The following PROCR variants were observed in gnomAD, a reference collection of about 807,000 sequenced individuals.
The protein encoded by PROCR is protein C receptor, also known as endothelial protein C receptor.
PROCR carries 22 observed loss-of-function variants against 24.2 expected under a neutral mutation model. The observed-to-expected ratio is 0.91, with a 90% CI of 0.65 to 1.30. The LOEUF (loss-of-function observed/expected upper bound fraction) is 1.30. Among genes scored for constraint, PROCR ranks in the 50% most tolerant of loss-of-function variants. The probability of loss-of-function intolerance (pLI) is 0.00; values close to 1 mark genes in which losing one functional copy is unlikely to be tolerated. For missense variants in PROCR, 288 were observed against 307.7 expected (o/e 0.94, Z 0.48); for synonymous variants, 137 against 139.2 (o/e 0.98, Z 0.11).
intron 1 of PROCR, among the ~76,000 whole-genome samples, chr20:35,205,962 C>G (rs2060340964): frequency 1.3e-5 from 2 of 149,758 alleles, no homozygotes; most frequent in South Asian, 4.2e-4. Flanking sequence ...TGAGCCACTG[C>G]ACTTGACCGC....
downstream of PROCR, among the ~76,000 whole-genome samples, chr20:35,181,538 G>T (rs2086079320): frequency 6.6e-6 from 1 of 152,216 alleles, no homozygotes; most frequent in Admixed American, 6.5e-5. Flanking sequence ...CTCCCAAAGT[G>T]CTGGGATTGC....
downstream of PROCR, among the ~76,000 whole-genome samples, chr20:35,178,414 TAAA>T (rs374008630): frequency 2.0e-5 from 1 of 49,814 alleles, no homozygotes; most frequent in Non-Finnish European, 3.4e-5. Context: ...TTTTTAATTC[TAAA>T]AAAAAAAAAA....
chr20:35,172,890 A>G (rs765366454), intron 1 of PROCR, among the ~76,000 whole-genome samples: 15 of 152,252 alleles, frequency 9.9e-5, no homozygotes, highest in South Asian at 2.1e-4. Context: ...GGCAGCAAAT[A>G]ATAACCAGTA....
downstream of PROCR, among the ~76,000 whole-genome samples, chr20:35,178,511 T>TGTTTTTTTTG (rs202179491): frequency 4.7e-5 from 2 of 42,926 alleles, no homozygotes; most frequent in Non-Finnish European, 8.3e-5. Flanking sequence ...GTCTCAGTTT[T>TGTTTTTTTTG]TTTTTTTTTT....
intron 1 of PROCR, among the ~76,000 whole-genome samples, chr20:35,186,995 A>C (rs2086133821): frequency 6.6e-6 from 1 of 151,900 alleles, no homozygotes; most frequent in Admixed American, 6.6e-5. Context: ...TGTTTAAGTC[A>C]GTGGCCTGCA....
intron 1 of PROCR, among the ~76,000 whole-genome samples, chr20:35,190,998 T>C (rs940965914): frequency 6.6e-6 from 1 of 152,130 alleles, no homozygotes; most frequent in Non-Finnish European, 1.5e-5. Flanking sequence ...TAGTTGGGAC[T>C]ACAGGCACGT....
At chr20:35,193,871 A>G (rs761161228) in intron 1 of PROCR, among the ~76,000 whole-genome samples, 2 of 152,190 alleles carry the variant, frequency 1.3e-5, no homozygotes, top group Non-Finnish European at 2.9e-5. Context: ...GCTGGATGGG[A>G]TCACCTAAGG....
intron 1 of PROCR, among the ~76,000 whole-genome samples, chr20:35,211,276 G>A (rs2060361973): frequency 6.6e-6 from 1 of 152,160 alleles, no homozygotes; most frequent in African/African-American, 2.4e-5. Context: ...TGATTGATGG[G>A]GCCAGTGGGC....
At chr20:35,183,246 G>C (rs532885291) in intron 1 of PROCR, among the ~76,000 whole-genome samples, 30 of 152,302 alleles carry the variant, frequency 2.0e-4, no homozygotes, top group African/African-American at 6.7e-4. Flanking sequence ...TCCATTGTTA[G>C]AGATGGGCAT....
At chr20:35,213,330 CAAA>C (rs546607344) in intron 1 of PROCR, among the ~76,000 whole-genome samples, 1 of 136,170 alleles carries the variant, frequency 7.3e-6, no homozygotes, top group Non-Finnish European at 1.6e-5. Flanking sequence ...GAGACTGTCT[CAAA>C]AAAAAAAAAG....
At chr20:35,207,772 T>C (rs1476803531) in intron 1 of PROCR, among the ~76,000 whole-genome samples, 2 of 152,060 alleles carry the variant, frequency 1.3e-5, no homozygotes, top group Admixed American at 1.3e-4. Context: ...TCAGGTGATC[T>C]GCCTGCCTTG....
At chr20:35,200,069 A>G (rs918921754) in intron 1 of PROCR, among the ~76,000 whole-genome samples, 16 of 152,228 alleles carry the variant, frequency 1.1e-4, no homozygotes, top group Non-Finnish European at 1.9e-4. Flanking sequence ...TAATCTCATG[A>G]TAAGACTTTA....
In PROCR at chr20:35,175,645, C is replaced by T. The variant is rs570573698; in HGVS notation, c.323-523C>T. Among the ~76,000 whole-genome samples the T allele has an allele frequency of 4.6e-4, 56 of 120,986 alleles. 1 individual carries two copies. The South Asian group carries it at 0.014, about 29-fold the overall frequency. The allele number at this position is 120,986 out of a possible 152,430, so 79.4% of individuals were successfully genotyped here. ...TGTCGTCCAGGCTGGAGTGCAGTGG[C>T]GCGATCTCGGCTCACTGCAACTTCC... is the stretch of plus-strand genomic sequence containing the variant. On this transcript the variant is annotated intron_variant, in intron 2 of 3. Transcript: ENST00000216968.
intron 1 of PROCR, among the ~76,000 whole-genome samples, chr20:35,210,285 C>T (rs1305275735): frequency 2.0e-5 from 3 of 151,854 alleles, no homozygotes; most frequent in Non-Finnish European, 4.4e-5. Context: ...TGACTCATAC[C>T]TGTAATATCA....
At chr20:35,174,181 GA>G (rs1240135514) in intron 1 of PROCR, among the ~76,000 whole-genome samples, 3 of 152,208 alleles carry the variant, frequency 2.0e-5, no homozygotes, top group Non-Finnish European at 4.4e-5. Flanking sequence ...TAATGAAGGG[GA>G]GGGGGTTATG....
intron 1 of PROCR, among the ~76,000 whole-genome samples, chr20:35,173,416 CTTTTTTCTTTTTT>C (rs2085969902): frequency 8.2e-6 from 1 of 122,048 alleles, no homozygotes; most frequent in Non-Finnish European, 1.7e-5. Context: ...GCTTTTCTTT[CTTTTTTCTTTTTT>C]TTTTTTTTTT....
downstream of PROCR, among the ~76,000 whole-genome samples, chr20:35,181,229 C>G (rs180972227): frequency 1.8e-4 from 28 of 151,656 alleles, no homozygotes. Flanking sequence ...CAAGGCCTTG[C>G]ACAATGTGGC....
downstream of PROCR, among the ~76,000 whole-genome samples, chr20:35,179,925 G>A (rs2086061974): frequency 6.6e-6 from 1 of 152,118 alleles, no homozygotes; most frequent in Non-Finnish European, 1.5e-5. Flanking sequence ...ACATGAAGGT[G>A]TACCATCCAG....
rs1418414181 is a variant in PROCR at position 35,176,694 on chromosome 20, G to A, written c.602-4G>A. On this transcript the variant is annotated splice_polypyrimidine_tract_variant and splice_region_variant and intron_variant, in intron 3 of 3. Coordinates refer to ENST00000216968, the MANE Select transcript of PROCR (RefSeq NM_006404.5). ...TTCGGGCTAACTCTTTGCATGTTCT[G>A]CAGGGAGCCAAACAAGCCGCTCCTA... 1.2e-6 allele frequency: 2 copies of A among 1,605,564 alleles called. No homozygotes were observed. Among genetic ancestry groups the A allele is most frequent in the East Asian group, 2.2e-5 (1 of 44,678 alleles).
Sources: gnomAD v4.1 joint callset for allele counts (sites outside exome capture counted in the v4.1 genomes callset) on GRCh38, gnomAD v4.1.1 for gene constraint, MANE v1.5 for transcripts, NCBI Gene and HGNC (gene_info 2026-07-23, HGNC 2026-07-21) for gene names.